PPP1R14C: variants seen among roughly 807,000 people sequenced by gnomAD.
The protein encoded by PPP1R14C is protein phosphatase 1 regulatory inhibitor subunit 14C.
In PPP1R14C, 16 loss-of-function variants were observed where a neutral mutation model predicts 20.4. The observed-to-expected ratio is 0.78, with a 90% CI of 0.53 to 1.19. PPP1R14C has a LOEUF of 1.19. Among genes scored for constraint, PPP1R14C ranks in the 50% most tolerant of loss-of-function variants. PPP1R14C has a pLI of 0.00. For missense variants in PPP1R14C, 211 were observed against 220.1 expected (o/e 0.96, Z 0.26); for synonymous variants, 91 against 91.0 (o/e 1.00, Z 0.00).
intron 1 of PPP1R14C, among the ~76,000 whole-genome samples, chr6:150,209,328 G>C (rs956304984): frequency 1.3e-5 from 2 of 152,220 alleles, no homozygotes; most frequent in Non-Finnish European, 2.9e-5. Context: ...CTGTGGGCAG[G>C]GGTGAACGTT....
rs770180806 is a variant in PPP1R14C at position 150,143,470 on chromosome 6, A to G, written c.278A>G (p.Glu93Gly). The G allele has an allele frequency of 1.2e-6, 2 of 1,601,456 alleles. No individual in the cohort carries two copies. The highest frequency in any genetic ancestry group is 4.6e-5 in the East Asian group (2 of 43,784). Residue 93 changes from glutamate (E) to glycine (G), a missense_variant, in exon 1 of 4, where the codon GAG (glutamate) becomes GGG (glycine). Physicochemically the swap from Glu to Gly is moderately conservative, Grantham distance 98. Transcript: ENST00000361131. The surrounding 1 kb of genome is among the most constrained non-coding windows in gnomAD (Gnocchi z 5.6). ...CTGGTGCTGGAGGAATGGATCGTGGAGCAGCTGGGTCAGCTCTACGGCTGC... is the reference window on the plus strand; with the variant it reads ...CTGGTGCTGGAGGAATGGATCGTGGGGCAGCTGGGTCAGCTCTACGGCTGC... Reference protein sequence around the residue: ...KRLVLEEWIVEQLGQLYGCEE... With the variant: ...KRLVLEEWIVGQLGQLYGCEE...
intron 1 of PPP1R14C, among the ~76,000 whole-genome samples, chr6:150,168,716 GAAT>G (rs1777465346): frequency 6.6e-6 from 1 of 152,150 alleles, no homozygotes; most frequent in Non-Finnish European, 1.5e-5. Flanking sequence ...AAGAGCGTAA[GAAT>G]AGGCAGATAA....
intron 1 of PPP1R14C, among the ~76,000 whole-genome samples, chr6:150,209,497 T>C (rs1777993931): frequency 6.6e-6 from 1 of 152,168 alleles, no homozygotes; most frequent in Admixed American, 6.5e-5. Flanking sequence ...TTCATGTGTG[T>C]GTATGTTTGT....
At position 150,175,629 on chromosome 6, in the gene PPP1R14C, G is replaced by A. The variant is rs548974922; in HGVS notation, c.306+32131G>A. ...AAGGAAGTTACTTTGACATCTCCCT[G>A]GTGGTGCCCAGGTACAGACGGTGGG... On this transcript the variant is annotated intron_variant, in intron 1 of 3. Coordinates refer to ENST00000361131, the MANE Select transcript of PPP1R14C (RefSeq NM_030949.3). 5.9e-5 allele frequency among the ~76,000 whole-genome samples: 9 copies of A among 152,300 alleles called. No homozygotes were observed. The South Asian group carries it at 1.9e-3, about 32-fold the overall frequency.
At chr6:150,197,818 C>T (rs1334775022) in intron 1 of PPP1R14C, among the ~76,000 whole-genome samples, 1 of 144,028 alleles carries the variant, frequency 6.9e-6, no homozygotes, top group Non-Finnish European at 1.5e-5. Context: ...TGCCCCTGCC[C>T]TTCACGGTGG....
chr6:150,183,158 CA>C (rs1777640743), intron 1 of PPP1R14C, among the ~76,000 whole-genome samples: 1 of 150,650 alleles, frequency 6.6e-6, no homozygotes, highest in Non-Finnish European at 1.5e-5. Flanking sequence ...ATTGCTATGG[CA>C]AATTAGACTT....
chr6:150,165,262 A>G (rs1416848434), intron 1 of PPP1R14C, among the ~76,000 whole-genome samples: 2 of 152,264 alleles, frequency 1.3e-5, no homozygotes, highest in Admixed American at 6.5e-5. Flanking sequence ...TAAATATTCA[A>G]TAAATATCAG....
intron 1 of PPP1R14C, among the ~76,000 whole-genome samples, chr6:150,147,714 G>A (rs917234515): frequency 5.3e-5 from 8 of 152,118 alleles, no homozygotes; most frequent in Admixed American, 2.6e-4. Context: ...GTGTACCTTG[G>A]GTACTTGCTG....
chr6:150,212,809 C>A (rs1042084985), intron 1 of PPP1R14C, among the ~76,000 whole-genome samples: 5 of 152,188 alleles, frequency 3.3e-5, no homozygotes, highest in African/African-American at 9.7e-5. Context: ...CTACATTATT[C>A]CGTATGGTAA....
intron 1 of PPP1R14C, among the ~76,000 whole-genome samples, chr6:150,170,425 C>A (rs1277641930): frequency 6.6e-6 from 1 of 151,936 alleles, no homozygotes; most frequent in Non-Finnish European, 1.5e-5. Context: ...CAGGTTCACG[C>A]CATTCTTCTG....
At chr6:150,186,214 C>T (rs1582908705) in intron 1 of PPP1R14C, among the ~76,000 whole-genome samples, 1 of 152,308 alleles carries the variant, frequency 6.6e-6, no homozygotes, top group Middle Eastern at 3.4e-3. Context: ...GGAGAAAAGA[C>T]ATTAATTCCA....
intron 3 of PPP1R14C, among the ~76,000 whole-genome samples, chr6:150,217,656 T>G (rs1354364122): frequency 1.3e-5 from 2 of 152,264 alleles, no homozygotes; most frequent in African/African-American, 2.4e-5. Context: ...AAGCATTTCA[T>G]GTAGACTCTC....
chr6:150,217,113 A>G (rs1471185596), intron 3 of PPP1R14C, among the ~76,000 whole-genome samples: 2 of 152,200 alleles, frequency 1.3e-5, no homozygotes, highest in Non-Finnish European at 2.9e-5. Context: ...TTCAAAGGAA[A>G]TTGTGAAAGG....
chr6:150,234,933 T>C (rs916007800), intron 3 of PPP1R14C, among the ~76,000 whole-genome samples: 1 of 148,902 alleles, frequency 6.7e-6, no homozygotes, highest in Non-Finnish European at 1.5e-5. Flanking sequence ...CTCAGAAATA[T>C]TGAGTGAAAG....
At chr6:150,180,627 G>A (rs916364791) in intron 1 of PPP1R14C, among the ~76,000 whole-genome samples, 2 of 152,122 alleles carry the variant, frequency 1.3e-5, no homozygotes, top group African/African-American at 4.8e-5. Flanking sequence ...TGTCATAGCT[G>A]TTCTTGGAAG....
At chr6:150,232,801 A>G (rs1778309439) in intron 3 of PPP1R14C, among the ~76,000 whole-genome samples, 1 of 152,266 alleles carries the variant, frequency 6.6e-6, no homozygotes, top group Non-Finnish European at 1.5e-5. Flanking sequence ...TAAGTTCTTA[A>G]TAAAGGTCCA....
chr6:150,242,999 TATAAAC>T (rs574148868), intron 3 of PPP1R14C, among the ~76,000 whole-genome samples: 1 of 152,200 alleles, frequency 6.6e-6, no homozygotes, highest in East Asian at 1.9e-4. Flanking sequence ...CACTGGAAAT[TATAAAC>T]CATTGCTGAG....
intron 2 of PPP1R14C, 66 bp downstream of exon 2, chr6:150,214,893 G>A (rs1778071633): frequency 1.7e-6 from 2 of 1,157,834 alleles, no homozygotes; most frequent in African/African-American, 1.6e-5. Flanking sequence ...TGGGTCTTCA[G>A]TGCTTGGCAT....
chr6:150,150,522 G>A (rs894793902), intron 1 of PPP1R14C, among the ~76,000 whole-genome samples: 6 of 151,974 alleles, frequency 3.9e-5, no homozygotes, highest in African/African-American at 9.7e-5. Flanking sequence ...GGTCTCCCTC[G>A]CCTAGCCCAC....
Sources: gnomAD v4.1 joint callset for allele counts (sites outside exome capture counted in the v4.1 genomes callset) on GRCh38, gnomAD v4.1.1 for gene constraint, Gnocchi (gnomAD v3.1) non-coding constraint, MANE v1.5 for transcripts, NCBI Gene and HGNC (gene_info 2026-07-23, HGNC 2026-07-21) for gene names.